Variants in FRMPD1 observed in about 807,000 individuals in gnomAD.
The protein encoded by FRMPD1 is FERM and PDZ domain-containing protein 1.
A neutral mutation model predicts 117.8 loss-of-function variants in FRMPD1; 76 were observed. The observed-to-expected ratio is 0.65, with a 90% CI of 0.54 to 0.78. The LOEUF (loss-of-function observed/expected upper bound fraction) is 0.78. Among genes scored for constraint, FRMPD1 ranks in the 30% least tolerant of loss-of-function variants. The probability of loss-of-function intolerance (pLI) is 0.00; values close to 1 mark genes in which losing one functional copy is unlikely to be tolerated. For missense variants in FRMPD1, 1,786 were observed against 1,964.5 expected (o/e 0.91, Z 1.72); for synonymous variants, 783 against 770.4 (o/e 1.02, Z -0.27).
At chr9:37,655,656 A>G (rs1285745138) in intron 1 of FRMPD1, among the ~76,000 whole-genome samples, 1 of 151,812 alleles carries the variant, frequency 6.6e-6, no homozygotes, top group Non-Finnish European at 1.5e-5. Context: ...GGCACCTGCC[A>G]CCATGCCCGG....
chr9:37,615,216 G>A, the FRMPD1 span, among the ~76,000 whole-genome samples: 8 of 151,956 alleles, frequency 5.3e-5, no homozygotes, highest in African/African-American at 1.9e-4. Context: ...AGGCTCAAGT[G>A]ATCCTCCTAT....
chr9:37,642,656 TAA>T, the FRMPD1 span, among the ~76,000 whole-genome samples: 58 of 152,364 alleles, frequency 3.8e-4, no homozygotes, highest in African/African-American at 1.4e-3. Context: ...CCTCCTTCGG[TAA>T]GCTATTCACA....
the FRMPD1 span, among the ~76,000 whole-genome samples, chr9:37,623,907 C>T: frequency 9.8e-3 from 1,498 of 152,210 alleles, 26 homozygotes; most frequent in African/African-American, 0.034. Flanking sequence ...TGACTGTGGA[C>T]ATTTTAGGCT....
intron 1 of FRMPD1, among the ~76,000 whole-genome samples, chr9:37,680,681 G>A (rs960685611): frequency 6.6e-6 from 1 of 152,186 alleles, no homozygotes; most frequent in Non-Finnish European, 1.5e-5. Context: ...GGCAGAGGAT[G>A]CAGGCAGCCA....
rs753949850 is a variant in FRMPD1 at position 37,733,772 on chromosome 9, A to G, written c.1165A>G (p.Ile389Val). ...AAQLRLNYLQ[I>V]LGELKTYGGR... The stretch of plus-strand genomic sequence containing the variant: ...CCAGCTACGTTTAAATTATCTACAG[A>G]TCCTCGGAGAACTCAAGACATATGG... Residue 389 changes from isoleucine to valine, a missense_variant, in exon 12 of 16, where the codon ATC becomes GTC. By Grantham distance (29) the Ile-to-Val change is conservative. Coordinates refer to ENST00000377765, the MANE Select transcript of FRMPD1 (RefSeq NM_014907.3). The G allele has an allele frequency of 5.6e-6, 9 of 1,608,268 alleles. No homozygotes were observed. The South Asian group carries it at 9.9e-5, about 18-fold the overall frequency.
chr9:37,677,829 CA>C (rs1254476750), intron 1 of FRMPD1, among the ~76,000 whole-genome samples: 2 of 152,208 alleles, frequency 1.3e-5, no homozygotes, highest in Non-Finnish European at 2.9e-5. Context: ...ACATTGCTAG[CA>C]GATCACTTCC....
At chr9:37,695,018 GA>G (rs1822272015) in intron 2 of FRMPD1, among the ~76,000 whole-genome samples, 1 of 151,814 alleles carries the variant, frequency 6.6e-6, no homozygotes, top group Admixed American at 6.6e-5. Context: ...TAGATAGATA[GA>G]TAGATAGATA....
chr9:37,727,356 A>G (rs1823659242), intron 7 of FRMPD1, among the ~76,000 whole-genome samples: 1 of 152,058 alleles, frequency 6.6e-6, no homozygotes, highest in Admixed American at 6.6e-5. Context: ...TAGTTATTCA[A>G]CTCTGCCATT....
chr9:37,719,725 A>G (rs1183363916), intron 6 of FRMPD1, among the ~76,000 whole-genome samples: 2 of 152,204 alleles, frequency 1.3e-5, no homozygotes, highest in Non-Finnish European at 2.9e-5. Flanking sequence ...GAGAAAATGC[A>G]GGAGCCCAGG....
chr9:37,636,762 C>A, the FRMPD1 span: 1 of 1,603,014 alleles, frequency 6.2e-7, no homozygotes, highest in Non-Finnish European at 8.5e-7. Context: ...CCCCCGGAGG[C>A]TGCTCCGGGC....
At chr9:37,626,308 G>A in the FRMPD1 span, among the ~76,000 whole-genome samples, 4 of 151,652 alleles carry the variant, frequency 2.6e-5, no homozygotes, top group African/African-American at 9.7e-5. Flanking sequence ...CAGCCTGTGC[G>A]ACAGAGCGAG....
intron 7 of FRMPD1, among the ~76,000 whole-genome samples, chr9:37,727,415 C>G (rs539577710): frequency 4.6e-5 from 7 of 152,270 alleles, no homozygotes; most frequent in African/African-American, 1.7e-4. Context: ...ATTACAAAAA[C>G]AGGCAGTGGG....
chr9:37,737,065 A>G (rs1022330551), intron 13 of FRMPD1, 31 bp from the exon 14 acceptor site: 1 of 1,591,126 alleles, frequency 6.3e-7, no homozygotes, highest in African/African-American at 1.3e-5. Flanking sequence ...TTGGTCCTTG[A>G]TAAACATGAG....
At chr9:37,681,559 T>C (rs1319756895) in intron 1 of FRMPD1, among the ~76,000 whole-genome samples, 1 of 152,260 alleles carries the variant, frequency 6.6e-6, no homozygotes, top group African/African-American at 2.4e-5. Context: ...CTCACTAAGC[T>C]ATGATCACGG....
At chr9:37,686,419 C>T (rs535520575) in intron 1 of FRMPD1, among the ~76,000 whole-genome samples, 10 of 152,272 alleles carry the variant, frequency 6.6e-5, no homozygotes, top group African/African-American at 1.7e-4. Flanking sequence ...GCAGTGGGAC[C>T]GTAGAGAAGA....
intron 1 of FRMPD1, among the ~76,000 whole-genome samples, chr9:37,685,307 A>G (rs2117965758): frequency 6.6e-6 from 1 of 152,216 alleles, no homozygotes; most frequent in East Asian, 1.9e-4. Context: ...TGAGAGTTGT[A>G]TTTTGTGTTC....
At chr9:37,615,836 A>T in the FRMPD1 span, among the ~76,000 whole-genome samples, 18 of 151,064 alleles carry the variant, frequency 1.2e-4, no homozygotes, top group African/African-American at 4.4e-4. Context: ...TTTTTGAGAC[A>T]GAGTCTCCCT....
At chr9:37,713,137 A>G (rs1822972977) in intron 5 of FRMPD1, among the ~76,000 whole-genome samples, 1 of 152,202 alleles carries the variant, frequency 6.6e-6, no homozygotes, top group South Asian at 2.1e-4. Context: ...TTAACAAAGT[A>G]TATCAAAGTG....
intron 6 of FRMPD1, among the ~76,000 whole-genome samples, chr9:37,723,330 C>T (rs935416566): frequency 2.6e-5 from 4 of 152,166 alleles, no homozygotes; most frequent in African/African-American, 9.7e-5. Context: ...TGCACAGGCT[C>T]GCGCAGTGCT....
Sources: allele counts gnomAD v4.1 joint callset (sites outside exome capture counted in the v4.1 genomes callset), GRCh38; gene constraint gnomAD v4.1.1; transcripts MANE v1.5; gene names NCBI Gene and HGNC (gene_info 2026-07-23, HGNC 2026-07-21).